FANK1: variants seen among roughly 807,000 people sequenced by gnomAD.
FANK1 encodes fibronectin type III and ankyrin repeat domains 1.
Under a neutral mutation model 45.3 loss-of-function variants are expected in FANK1, and 44 were observed. That is an observed-to-expected ratio of 0.97 (90% CI 0.76 to 1.25). The LOEUF is 1.25. Ranked by LOEUF, FANK1 falls within the 50% of genes most tolerant of loss-of-function variation. The pLI is 0.00. For synonymous variants in FANK1, 149 were observed against 152.5 expected (o/e 0.98, Z 0.17); for missense variants, 391 against 424.4 (o/e 0.92, Z 0.69).
At chr10:125,941,641 C>T (rs1444139526) in intron 1 of FANK1, among the ~76,000 whole-genome samples, 2 of 152,156 alleles carry the variant, frequency 1.3e-5, no homozygotes, top group African/African-American at 4.8e-5. Flanking sequence ...CTAGAAATGA[C>T]CACATGCCCA....
At chr10:125,970,571 G>A (rs1261392439) in intron 1 of FANK1, among the ~76,000 whole-genome samples, 3 of 152,202 alleles carry the variant, frequency 2.0e-5, no homozygotes, top group Admixed American at 6.5e-5. Context: ...CCGGCGCCTC[G>A]GGAGGCCGAG....
intron 1 of FANK1, among the ~76,000 whole-genome samples, chr10:125,957,600 C>T (rs1949661760): frequency 6.6e-6 from 1 of 152,140 alleles, no homozygotes; most frequent in South Asian, 2.1e-4. Context: ...TCTCCACTCA[C>T]TGCAACCTCC....
chr10:125,964,517 C>T (rs977316194), intron 1 of FANK1, among the ~76,000 whole-genome samples: 5 of 152,228 alleles, frequency 3.3e-5, no homozygotes, highest in Admixed American at 1.3e-4. Flanking sequence ...CTCTACATAA[C>T]GTTTTACAAC....
chr10:125,899,739 T>G (rs930072457), intron 1 of FANK1, among the ~76,000 whole-genome samples: 19 of 152,234 alleles, frequency 1.2e-4, no homozygotes, highest in Admixed American at 8.5e-4. Flanking sequence ...ACAGTTATAC[T>G]GTCAGCAATA....
At chr10:125,993,164 C>G (rs1025775422) in intron 3 of FANK1, among the ~76,000 whole-genome samples, 1 of 152,156 alleles carries the variant, frequency 6.6e-6, no homozygotes, top group African/African-American at 2.4e-5. Flanking sequence ...ATTTAGGATA[C>G]TACACATTGT....
At chr10:125,970,031 C>T (rs1028443651) in intron 1 of FANK1, among the ~76,000 whole-genome samples, 1 of 152,250 alleles carries the variant, frequency 6.6e-6, no homozygotes, top group African/African-American at 2.4e-5. Context: ...CTTCTTTCTA[C>T]ACAGACACAG....
chr10:125,944,076 A>G (rs1948619676), intron 1 of FANK1, among the ~76,000 whole-genome samples: 1 of 152,248 alleles, frequency 6.6e-6, no homozygotes. Flanking sequence ...CTGCGTTTGA[A>G]TTATTCTTGT....
At chr10:126,000,006 C>G (rs1476981962) in intron 6 of FANK1, among the ~76,000 whole-genome samples, 3 of 151,936 alleles carry the variant, frequency 2.0e-5, no homozygotes, top group African/African-American at 7.3e-5. Context: ...AAAAGACTTT[C>G]TTAAATCCCT....
intron 1 of FANK1, among the ~76,000 whole-genome samples, chr10:125,897,566 C>G (rs1414582155): frequency 2.0e-5 from 3 of 152,278 alleles, no homozygotes; most frequent in Non-Finnish European, 4.4e-5. Flanking sequence ...AATCTATTCT[C>G]TGGGGAAAAT....
intron 1 of FANK1, among the ~76,000 whole-genome samples, chr10:125,931,537 G>A (rs1180387641): frequency 6.6e-6 from 1 of 152,128 alleles, no homozygotes; most frequent in Non-Finnish European, 1.5e-5. Context: ...GTCTATTCAT[G>A]TCCATAGCCC....
chr10:125,946,466 A>T (rs1451237223), intron 1 of FANK1, among the ~76,000 whole-genome samples: 3 of 152,172 alleles, frequency 2.0e-5, no homozygotes, highest in Non-Finnish European at 4.4e-5. Flanking sequence ...AGAATGCAGA[A>T]GCCTCAGGAG....
chr10:125,907,403 C>A (rs374650429), intron 1 of FANK1: 1 of 745,032 alleles, frequency 1.3e-6, no homozygotes, highest in East Asian at 1.3e-4. Flanking sequence ...TAAGATGTTT[C>A]CCATGATCTC....
intron 1 of FANK1, among the ~76,000 whole-genome samples, chr10:125,956,369 T>C (rs1279164742): frequency 6.6e-6 from 1 of 152,210 alleles, no homozygotes; most frequent in Admixed American, 6.5e-5. Flanking sequence ...ATTGGAGATA[T>C]CCCTTGCCTC....
chr10:125,966,548 A>C (rs914946083), intron 1 of FANK1, among the ~76,000 whole-genome samples: 1 of 152,094 alleles, frequency 6.6e-6, no homozygotes, highest in Non-Finnish European at 1.5e-5. Context: ...AGGACACAGG[A>C]GAGGTATCCC....
At chr10:125,995,314 G>A (rs1454434461) in intron 3 of FANK1, 103 bp from the exon 4 acceptor site, 13 of 988,044 alleles carry the variant, frequency 1.3e-5, no homozygotes, top group Admixed American at 3.8e-5. Flanking sequence ...ATAGCCAAGC[G>A]CCTTCCTGAA....
At chr10:125,914,404 T>C (rs1294460847) in intron 1 of FANK1, among the ~76,000 whole-genome samples, 1 of 152,000 alleles carries the variant, frequency 6.6e-6, no homozygotes, top group East Asian at 1.9e-4. Context: ...GTCACCAGCA[T>C]GTTTGCAGGG....
chr10:125,963,904 AC>A (rs753973755), intron 1 of FANK1, among the ~76,000 whole-genome samples: 7 of 152,052 alleles, frequency 4.6e-5, no homozygotes, highest in South Asian at 2.1e-4. Context: ...ATAAAAAAAA[AC>A]ATTTTAAGAT....
intron 1 of FANK1, among the ~76,000 whole-genome samples, chr10:125,917,632 A>T (rs1176550366): frequency 7.0e-6 from 1 of 142,868 alleles, no homozygotes; most frequent in Non-Finnish European, 1.5e-5. Flanking sequence ...TATAAAACTT[A>T]TATTAAGTAA....
intron 1 of FANK1, among the ~76,000 whole-genome samples, chr10:125,946,044 G>A (rs1205508558): frequency 6.6e-6 from 1 of 152,148 alleles, no homozygotes; most frequent in East Asian, 1.9e-4. Flanking sequence ...TGCAGCTGAG[G>A]GTCCTGTCTG....
Sources: allele counts gnomAD v4.1 joint callset (sites outside exome capture counted in the v4.1 genomes callset), GRCh38; gene constraint gnomAD v4.1.1; transcripts MANE v1.5; gene names NCBI Gene and HGNC (gene_info 2026-07-23, HGNC 2026-07-21).